Variants in CCDC73 observed in about 807,000 individuals in gnomAD.
The protein encoded by CCDC73 is coiled-coil domain containing 73, also known as coiled-coil domain-containing protein 73.
In CCDC73, 95 loss-of-function variants were observed where a neutral mutation model predicts 116.5. That is an observed-to-expected ratio of 0.82 (90% CI 0.69 to 0.97). CCDC73 has a LOEUF of 0.97. CCDC73 is among the 50% of genes least tolerant of loss of function. CCDC73 has a pLI of 0.00. For missense variants in CCDC73, 1,066 were observed against 1,206.8 expected (o/e 0.88, Z 1.73); for synonymous variants, 398 against 401.3 (o/e 0.99, Z 0.10).
intron 2 of CCDC73, among the ~76,000 whole-genome samples, chr11:32,745,437 G>C (rs1460672146): frequency 1.3e-5 from 2 of 152,182 alleles, no homozygotes; most frequent in East Asian, 3.8e-4. Flanking sequence ...GTGCAGAGCT[G>C]TGTTCAAGTC....
intron 1 of CCDC73, among the ~76,000 whole-genome samples, chr11:32,764,455 T>C (rs1237621209): frequency 1.3e-5 from 2 of 152,154 alleles, no homozygotes; most frequent in South Asian, 2.1e-4. Flanking sequence ...TGTGGGCCAA[T>C]ATTCAACATT....
intron 6 of CCDC73, among the ~76,000 whole-genome samples, chr11:32,692,095 C>A (rs1856265540): frequency 1.4e-5 from 2 of 145,038 alleles, no homozygotes; most frequent in East Asian, 2.1e-4. Flanking sequence ...CCATGGTCAT[C>A]TAGATTTTCT....
chr11:32,741,615 C>CTT (rs201286633), intron 2 of CCDC73, among the ~76,000 whole-genome samples: 2 of 149,102 alleles, frequency 1.3e-5, no homozygotes, highest in African/African-American at 4.9e-5. Flanking sequence ...ATTGTTGAGT[C>CTT]TTTTTTTTTA....
At chr11:32,682,999 A>G (rs1321678480) in intron 7 of CCDC73, 2 of 155,550 alleles carry the variant, frequency 1.3e-5, no homozygotes, top group African/African-American at 4.8e-5. Flanking sequence ...TACCATTAAA[A>G]TAAGAGGTTT....
At chr11:32,617,772 C>T (rs774919785) in intron 14 of CCDC73, among the ~76,000 whole-genome samples, 35 of 152,024 alleles carry the variant, frequency 2.3e-4, no homozygotes, top group Non-Finnish European at 3.7e-4. Context: ...TAGATTTGGA[C>T]GAAAATATCA....
chr11:32,640,460 A>G (rs1424990362), intron 13 of CCDC73, among the ~76,000 whole-genome samples: 2 of 152,172 alleles, frequency 1.3e-5, no homozygotes, highest in Non-Finnish European at 2.9e-5. Context: ...TCACTTAAAC[A>G]GTTTTCCTTA....
In CCDC73 at chr11:32,644,944, T is replaced by G. The variant is rs146956866; in HGVS notation, c.940-2862A>C. Among the ~76,000 whole-genome samples the G allele has an allele frequency of 2.0e-5, 3 of 152,338 alleles. 1 individual carries two copies. Among genetic ancestry groups the G allele is most frequent in the Non-Finnish European group, 4.4e-5 (3 of 68,028 alleles). ...TGTGAATCAGTAGTTGGTTCTCTTTTACCGCTGAGTAATCTGTTGTATGGA... is the reference window on the plus strand; with the variant it reads ...TGTGAATCAGTAGTTGGTTCTCTTTGACCGCTGAGTAATCTGTTGTATGGA... On this transcript the variant is annotated intron_variant, in intron 12 of 17. Coordinates refer to ENST00000335185, the MANE Select transcript of CCDC73 (RefSeq NM_001008391.4).
At chr11:32,750,989 C>T (rs1320763239) in intron 2 of CCDC73, among the ~76,000 whole-genome samples, 7 of 152,074 alleles carry the variant, frequency 4.6e-5, no homozygotes, top group African/African-American at 9.7e-5. Context: ...TTATTGCTGC[C>T]GATTATTCAA....
At chr11:32,674,011 C>G (rs1856062399) in intron 9 of CCDC73, among the ~76,000 whole-genome samples, 1 of 152,194 alleles carries the variant, frequency 6.6e-6, no homozygotes, top group Non-Finnish European at 1.5e-5. Flanking sequence ...AATAAATACC[C>G]TGATTCACTC....
At chr11:32,615,712 G>A (rs1271779956) in intron 15 of CCDC73, among the ~76,000 whole-genome samples, 1 of 152,048 alleles carries the variant, frequency 6.6e-6, no homozygotes, top group African/African-American at 2.4e-5. Flanking sequence ...TTATTCCAAT[G>A]GTTACAGAAA....
At chr11:32,696,906 A>G (rs186985398) in intron 6 of CCDC73, among the ~76,000 whole-genome samples, 8 of 150,216 alleles carry the variant, frequency 5.3e-5, no homozygotes, top group East Asian at 3.9e-4. Context: ...CATGGCTCAC[A>G]GCAGCCTCGA....
At chr11:32,680,622 G>C (rs1242078418) in intron 7 of CCDC73, 1 of 152,014 alleles carries the variant, frequency 6.6e-6, no homozygotes, top group East Asian at 1.9e-4. Flanking sequence ...CAACTTTTTA[G>C]AAATATATTT....
chr11:32,722,840 C>T (rs371290149), intron 2 of CCDC73, among the ~76,000 whole-genome samples: 2 of 152,040 alleles, frequency 1.3e-5, no homozygotes, highest in South Asian at 2.1e-4. Context: ...GAATCCTGGA[C>T]ATAATATAAT....
chr11:32,806,346 C>T, the CCDC73 span, among the ~76,000 whole-genome samples: 3 of 152,164 alleles, frequency 2.0e-5, no homozygotes, highest in African/African-American at 7.2e-5. Flanking sequence ...ACTGCCCAGG[C>T]ATGGTAGCTC....
At chr11:32,769,356 G>A (rs1850472278) in intron 1 of CCDC73, among the ~76,000 whole-genome samples, 1 of 152,090 alleles carries the variant, frequency 6.6e-6, no homozygotes, top group African/African-American at 2.4e-5. Context: ...TGTCTGAAAA[G>A]TCTGTTTCTA....
chr11:32,634,876 A>G (rs11031909), intron 14 of CCDC73, among the ~76,000 whole-genome samples: 24,139 of 152,190 alleles, frequency 0.16, 2,046 homozygotes, highest in South Asian at 0.27. Context: ...AATCCCAGCT[A>G]CTCAGAAGCC....
At chr11:32,804,414 A>C in the CCDC73 span, among the ~76,000 whole-genome samples, 4 of 152,228 alleles carry the variant, frequency 2.6e-5, no homozygotes, top group African/African-American at 9.6e-5. Flanking sequence ...TACAGGTGTG[A>C]GCCACTGGTG....
At chr11:32,657,719 C>G (rs1441290039) in intron 9 of CCDC73, among the ~76,000 whole-genome samples, 1 of 152,108 alleles carries the variant, frequency 6.6e-6, no homozygotes, top group Admixed American at 6.6e-5. Flanking sequence ...GGTAATACCT[C>G]TATATCTTTA....
intron 14 of CCDC73, among the ~76,000 whole-genome samples, chr11:32,632,078 G>A (rs1673114182): frequency 6.6e-6 from 1 of 152,114 alleles, no homozygotes; most frequent in African/African-American, 2.4e-5. Context: ...TTTAATTTAG[G>A]TGTGGTCAGG....
Sources: allele counts gnomAD v4.1 joint callset (sites outside exome capture counted in the v4.1 genomes callset), GRCh38; gene constraint gnomAD v4.1.1; transcripts MANE v1.5; gene names NCBI Gene and HGNC (gene_info 2026-07-23, HGNC 2026-07-21).